ARL15: variants seen among roughly 807,000 people sequenced by gnomAD.
ARL15 encodes ADP-ribosylation factor-like protein 15.
ARL15 carries 19 observed loss-of-function variants against 25.2 expected under a neutral mutation model. The observed-to-expected ratio is 0.75, with a 90% confidence interval of 0.53 to 1.10. The LOEUF is 1.10. ARL15 is among the 50% of genes least tolerant of loss of function. The pLI is 0.00. For missense variants in ARL15, 220 were observed against 246.0 expected, an observed-to-expected ratio of 0.89 and a Z score of 0.71; for synonymous variants, 94 against 86.8, an observed-to-expected ratio of 1.08 and a Z score of -0.46.
chr5:53,885,154 G>T lies in ARL15; in HGVS notation c.*1407C>A, dbSNP rs1408133387. The T allele has an allele frequency of 6.6e-6, 1 of 152,532 alleles. No homozygotes were observed. 9.4% of individuals were successfully genotyped at this position (152,532 alleles called of 1,614,324 possible). A position where few individuals can be genotyped will look rare whatever the true frequency, so the allele number is the denominator to read the frequency against. On this transcript the variant is annotated 3_prime_UTR_variant, in exon 5 of 5. Coordinates refer to ENST00000504924, the MANE Select transcript of ARL15 (RefSeq NM_019087.3). ...TATAGTGTGAGTCTGTGGTATTTGGGTATCAGTCCATTTTACTTAAAATTA... is the reference window on the plus strand; with the variant it reads ...TATAGTGTGAGTCTGTGGTATTTGGTTATCAGTCCATTTTACTTAAAATTA...
chr5:53,939,589 G>T (rs1054281553), intron 4 of ARL15, among the ~76,000 whole-genome samples: 1 of 151,994 alleles, frequency 6.6e-6, no homozygotes. Flanking sequence ...AAAAAAATTA[G>T]CTAGGCGTGG....
intron 1 of ARL15, among the ~76,000 whole-genome samples, chr5:54,223,042 T>G (rs1756421732): frequency 6.7e-6 from 1 of 149,374 alleles, no homozygotes; most frequent in Non-Finnish European, 1.5e-5. Flanking sequence ...CAGGCTAGTC[T>G]AGAACTCCTG....
intron 1 of ARL15, among the ~76,000 whole-genome samples, chr5:54,189,688 A>C (rs1371733333): frequency 6.6e-6 from 1 of 152,198 alleles, no homozygotes; most frequent in African/African-American, 2.4e-5. Context: ...AAGTATAAAA[A>C]ACATAGAAAC....
chr5:54,263,489 A>G (rs1757548155), intron 1 of ARL15, among the ~76,000 whole-genome samples: 1 of 152,148 alleles, frequency 6.6e-6, no homozygotes, highest in African/African-American at 2.4e-5. Context: ...TTAATCACAG[A>G]GTGTAAAATA....
At chr5:54,183,752 A>G (rs1290758669) in intron 1 of ARL15, among the ~76,000 whole-genome samples, 1 of 150,754 alleles carries the variant, frequency 6.6e-6, no homozygotes, top group African/African-American at 2.4e-5. Flanking sequence ...ATTACTGGGT[A>G]TATACCCAAA....
intron 1 of ARL15, among the ~76,000 whole-genome samples, chr5:54,200,562 T>C (rs1469677489): frequency 2.0e-5 from 3 of 151,868 alleles, no homozygotes. Flanking sequence ...GGTACTTAAG[T>C]TACACCAGGA....
intron 1 of ARL15, among the ~76,000 whole-genome samples, chr5:54,236,421 C>T (rs1006583743): frequency 1.3e-5 from 2 of 151,216 alleles, no homozygotes. Flanking sequence ...CACACACACA[C>T]ACACACACAC....
At chr5:54,266,473 T>C (rs10056892) in intron 1 of ARL15, among the ~76,000 whole-genome samples, 4,966 of 152,344 alleles carry the variant, frequency 0.033, 160 homozygotes, top group African/African-American at 0.083. Context: ...GGTATGTCCC[T>C]GCTTTTGGAT....
At chr5:54,274,048 A>T (rs1358923395) in intron 1 of ARL15, among the ~76,000 whole-genome samples, 3 of 152,206 alleles carry the variant, frequency 2.0e-5, no homozygotes, top group Non-Finnish European at 2.9e-5. Context: ...AGGTGAGGCA[A>T]CTAGGGTAGA....
At chr5:54,163,354 AGCTTTTTTTTTTTTTTTTTTTTTT>A (rs1754465148) in intron 2 of ARL15, among the ~76,000 whole-genome samples, 1 of 63,076 alleles carries the variant, frequency 1.6e-5, no homozygotes, top group Non-Finnish European at 3.0e-5. Flanking sequence ...ATTGGTATGA[AGCTTTTTTTTTTTTTTTTTTTTTT>A]TTTTTTTTTT....
intron 1 of ARL15, among the ~76,000 whole-genome samples, chr5:54,216,380 A>G (rs1329876388): frequency 6.6e-6 from 1 of 152,168 alleles, no homozygotes; most frequent in Non-Finnish European, 1.5e-5. Context: ...GTACTTCTAA[A>G]GTAACTTTGA....
chr5:53,886,967 G>A (rs556102764), intron 4 of ARL15, among the ~76,000 whole-genome samples: 104 of 152,262 alleles, frequency 6.8e-4, no homozygotes, highest in African/African-American at 2.3e-3. Context: ...ATTTAGCAGC[G>A]TGGGAGGTCT....
intron 3 of ARL15, among the ~76,000 whole-genome samples, chr5:54,144,404 A>G (rs1450552705): frequency 6.6e-6 from 1 of 152,036 alleles, no homozygotes; most frequent in Admixed American, 6.6e-5. Flanking sequence ...TCAATCTTTC[A>G]TTTCCCTAAT....
chr5:54,301,463 G>T (rs1758615442), intron 1 of ARL15, among the ~76,000 whole-genome samples: 1 of 152,118 alleles, frequency 6.6e-6, no homozygotes, highest in Admixed American at 6.6e-5. Context: ...AGCGTGCAGG[G>T]AACAGGAGTC....
chr5:54,067,852 T>C (rs1751290974), intron 4 of ARL15, among the ~76,000 whole-genome samples: 1 of 152,178 alleles, frequency 6.6e-6, no homozygotes, highest in Non-Finnish European at 1.5e-5. Context: ...TTCAGTTCCC[T>C]TTCTCCTAAG....
At chr5:53,910,976 G>A (rs1381751024) in intron 4 of ARL15, among the ~76,000 whole-genome samples, 1 of 151,850 alleles carries the variant, frequency 6.6e-6, no homozygotes, top group East Asian at 1.9e-4. Flanking sequence ...CAGAAGCAGT[G>A]GACTACATAG....
At chr5:54,043,987 A>G (rs940038058) in intron 4 of ARL15, among the ~76,000 whole-genome samples, 2 of 152,098 alleles carry the variant, frequency 1.3e-5, no homozygotes, top group African/African-American at 4.8e-5. Context: ...GGTGACAGAG[A>G]CAGAGAGCCT....
intron 4 of ARL15, among the ~76,000 whole-genome samples, chr5:54,017,581 G>A (rs1205282851): frequency 1.2e-5 from 1 of 86,820 alleles, no homozygotes; most frequent in East Asian, 4.0e-4. Flanking sequence ...CAGTGCCTTT[G>A]TGGAAGAAAA....
chr5:53,939,169 C>T (rs1746448165), intron 4 of ARL15, among the ~76,000 whole-genome samples: 1 of 152,176 alleles, frequency 6.6e-6, no homozygotes, highest in African/African-American at 2.4e-5. Context: ...TTCAAAGGCA[C>T]TCTGGATGAG....
Sources: gnomAD v4.1 joint callset for allele counts (sites outside exome capture counted in the v4.1 genomes callset) on GRCh38, gnomAD v4.1.1 for gene constraint, MANE v1.5 for transcripts, NCBI Gene and HGNC (gene_info 2026-07-23, HGNC 2026-07-21) for gene names.